The following DNAH3 variants were observed in gnomAD, a reference collection of about 807,000 sequenced individuals.
DNAH3 encodes dynein axonemal heavy chain 3.
A neutral mutation model predicts 432.5 loss-of-function variants in DNAH3; 332 were observed. The ratio of observed to expected loss-of-function variants is 0.77; its 90% CI spans 0.70 to 0.84. The LOEUF (loss-of-function observed/expected upper bound fraction) is 0.84, where lower values mean the gene tolerates loss of function less well. Among genes scored for constraint, DNAH3 ranks in the 40% least tolerant of loss-of-function variants. The probability of loss-of-function intolerance (pLI) is 0.00; values close to 1 mark genes in which losing one functional copy is unlikely to be tolerated. For missense variants in DNAH3, 4,861 were observed against 5,114.0 expected, an observed-to-expected ratio of 0.95 and a Z score of 1.51; for synonymous variants, 1,956 against 1,900.2, an observed-to-expected ratio of 1.03 and a Z score of -0.76.
intron 57 of DNAH3, among the ~76,000 whole-genome samples, chr16:20,946,725 G>A (rs920593975): frequency 1.3e-5 from 2 of 151,326 alleles, no homozygotes; most frequent in Non-Finnish European, 2.9e-5. Flanking sequence ...GGGGCAGGCC[G>A]CAGGAAACAG....
intron 31 of DNAH3, among the ~76,000 whole-genome samples, chr16:21,049,287 C>G (rs1335723003): frequency 1.3e-5 from 2 of 152,192 alleles, no homozygotes; most frequent in African/African-American, 2.4e-5. Flanking sequence ...ATGCTCATCT[C>G]TGTTGCATGA....
intron 9 of DNAH3, among the ~76,000 whole-genome samples, chr16:21,124,213 A>G (rs996024718): frequency 1.3e-5 from 2 of 152,232 alleles, no homozygotes; most frequent in African/African-American, 2.4e-5. Flanking sequence ...ACAAAAACCC[A>G]TATCTACAAT....
At chr16:21,123,530 T>C (rs186117352) in intron 9 of DNAH3, among the ~76,000 whole-genome samples, 1 of 152,324 alleles carries the variant, frequency 6.6e-6, no homozygotes, top group East Asian at 1.9e-4. Context: ...CATTTATAGA[T>C]TGGTCTTCTT....
chr16:20,942,739 TTC>T (rs1008824273), intron 58 of DNAH3, among the ~76,000 whole-genome samples: 2 of 152,072 alleles, frequency 1.3e-5, no homozygotes, highest in African/African-American at 2.4e-5. Context: ...CAGGATTTGT[TTC>T]TCTCTTCATT....
chr16:21,047,555 G>C (rs888274220), intron 31 of DNAH3, among the ~76,000 whole-genome samples: 6 of 149,748 alleles, frequency 4.0e-5, no homozygotes, highest in African/African-American at 1.2e-4. Flanking sequence ...CTCTGTATTG[G>C]TTATTCTAGT....
intron 5 of DNAH3, among the ~76,000 whole-genome samples, chr16:21,138,403 T>A (rs1221817842): frequency 6.6e-6 from 1 of 152,134 alleles, no homozygotes; most frequent in Non-Finnish European, 1.5e-5. Context: ...GGGTAAAAAG[T>A]GCTTGTTAAA....
Position 21,061,231 on chromosome 16 carries a change from C to CTTTTTTT in DNAH3, c.3721-882_3721-876dup, listed in dbSNP as rs11383667. Reference sequence around the variant, plus strand: ...TATGCCTTCTAAAGGGGCGATAGGCCTTTTTTTTTTTTTTTTTTTTGAGAC... The same window carrying CTTTTTTT: ...TATGCCTTCTAAAGGGGCGATAGGCCTTTTTTTTTTTTTTTTTTTTTTTTTTTGAGAC... On this transcript the variant is annotated intron_variant, in intron 25 of 61. Transcript: ENST00000261383. Among the ~76,000 whole-genome samples, 2 of 102,826 alleles carry CTTTTTTT rather than the reference C, an allele frequency of 1.9e-5. 1 individual carries two copies. The highest frequency in any genetic ancestry group is 7.2e-5 in the African/African-American group (2 of 27,850). The allele number at this position is 102,826 out of a possible 152,430, so 67.5% of individuals were successfully genotyped here.
At chr16:20,969,684 G>A (rs1275327946) in intron 52 of DNAH3, 108 bp downstream of exon 52, 8 of 1,256,272 alleles carry the variant, frequency 6.4e-6, no homozygotes, top group Non-Finnish European at 9.2e-6. Flanking sequence ...TCCAAACTCA[G>A]TGATCTTGCC....
At chr16:21,146,111 C>T (rs2092779977) in intron 1 of DNAH3, 23 bp from the exon 3 acceptor site, 4 of 1,542,308 alleles carry the variant, frequency 2.6e-6, no homozygotes, top group African/African-American at 2.7e-5. Context: ...GGAACAAAGT[C>T]ACCCTTCAAA....
exon 1 of DNAH3, chr16:21,159,346 C>T (rs1313003956): frequency 2.5e-6 from 4 of 1,614,190 alleles, no homozygotes; most frequent in Admixed American, 1.7e-5. Flanking sequence ...TCCCTTCCTC[C>T]TCTCCTTGGG....
chr16:20,998,409 C>CGTGG, intron 43 of DNAH3, among the ~76,000 whole-genome samples: 1 of 152,076 alleles, frequency 6.6e-6, no homozygotes, highest in African/African-American at 2.4e-5. Context: ...TGCACCACCA[C>CGTGG]GCCCAGCTAA....
chr16:21,017,417 C>G lies in DNAH3; in HGVS notation c.6022+2207G>C, dbSNP rs563777362. On this transcript the variant is annotated intron_variant, in intron 41 of 61. Coordinates refer to ENST00000261383, the Ensembl canonical transcript of DNAH3. The stretch of plus-strand genomic sequence containing the variant: ...TCTGCTCACTGAGATGAATTCATAT[C>G]TGATTGCCTCTTTTGGAGAGGCTAA... Among the ~76,000 whole-genome samples the G allele has an allele frequency of 1.4e-4, 21 of 152,272 alleles. No homozygotes were observed. In the South Asian group the frequency reaches 4.1e-3, roughly 30 times the overall value.
At chr16:21,085,058 C>A (rs150537774) in intron 19 of DNAH3, among the ~76,000 whole-genome samples, 1 of 151,542 alleles carries the variant, frequency 6.6e-6, no homozygotes, top group African/African-American at 2.4e-5. Flanking sequence ...TCCTCCTCTG[C>A]GGATCCCTCT....
intron 14 of DNAH3, among the ~76,000 whole-genome samples, chr16:21,108,167 C>T (rs1467149731): frequency 6.6e-5 from 10 of 152,202 alleles, no homozygotes; most frequent in Admixed American, 6.5e-4. Flanking sequence ...CCACTGCGCC[C>T]AGCCCTGTTG....
chr16:21,150,624 G>C, intron 1 of DNAH3, 90 bp from the exon 2 acceptor site: 1 of 188,954 alleles, frequency 5.3e-6, no homozygotes, highest in Non-Finnish European at 1.1e-5. Context: ...TAGTCCCCCA[G>C]CGGTGGCCAC....
In DNAH3 at chr16:20,965,400, C is replaced by A. The variant is rs76115271; in HGVS notation, c.8484G>T (p.Gly2828=). The A allele has an allele frequency of 1.6e-4, 251 of 1,525,994 alleles. 4 individuals are homozygous for A. The East Asian group carries it at 5.6e-3, about 34-fold the overall frequency. 94.5% of individuals were successfully genotyped at this position (1,525,994 alleles called of 1,614,324 possible). ...GATCCCCAAGAATCTTTTTGGATAC[C>A]CCCCAGTAATCTTCTATCATCTTAC... is the stretch of plus-strand genomic sequence containing the variant. Residue 2828 remains glycine (G), a synonymous_variant, in exon 53 of 62, where the codon GGG becomes GGT. Transcript: ENST00000261383.
rs373806200 is a variant in DNAH3, at chr16:21,094,324, TG to T, written c.2665+3030del. Among the ~76,000 whole-genome samples the T allele has an allele frequency of 3.8e-4, 58 of 152,104 alleles. 1 individual carries two copies. In the East Asian group the frequency reaches 5.4e-3, roughly 14 times the overall value. On this transcript the variant is annotated intron_variant, in intron 18 of 61. Coordinates refer to ENST00000261383, the Ensembl canonical transcript of DNAH3. Reference sequence around the variant, plus strand: ...TCAAGATCATTAGGCATTGGGGAAATGCAAATTAAAATCATAATGAGACATC... The same window carrying T: ...TCAAGATCATTAGGCATTGGGGAAATCAAATTAAAATCATAATGAGACATC...
exon 44 of DNAH3, chr16:20,997,299 T>C: frequency 6.2e-7 from 1 of 1,613,872 alleles, no homozygotes; most frequent in East Asian, 2.2e-5. Context: ...TGTCATTCCT[T>C]CCTCCCCCGG....
At chr16:21,131,687 T>TA (rs1309001463) in intron 7 of DNAH3, among the ~76,000 whole-genome samples, 3 of 151,134 alleles carry the variant, frequency 2.0e-5, no homozygotes, top group Non-Finnish European at 4.4e-5. Flanking sequence ...CTGTCTCTAC[T>TA]AAAAATACAA....
Sources: gnomAD v4.1 joint callset for allele counts (sites outside exome capture counted in the v4.1 genomes callset) on GRCh38, gnomAD v4.1.1 for gene constraint, MANE v1.5 for transcripts, NCBI Gene and HGNC (gene_info 2026-07-23, HGNC 2026-07-21) for gene names.